NPAS3: variants seen among roughly 807,000 people sequenced by gnomAD.
The protein encoded by NPAS3 is neuronal PAS domain-containing protein 3.
Under a neutral mutation model 73.1 loss-of-function variants are expected in NPAS3, and 14 were observed. That is an observed-to-expected ratio of 0.19 (90% CI 0.13 to 0.30). NPAS3 has a LOEUF of 0.30. NPAS3 is among the 10% of genes least tolerant of loss of function. The pLI is 1.00. For missense variants in NPAS3, 1,096 were observed against 1,250.0 expected (o/e 0.88, Z 1.86); for synonymous variants, 620 against 541.5 (o/e 1.14, Z -2.01).
chr14:33,457,765 C>T (rs2050086558), intron 4 of NPAS3, among the ~76,000 whole-genome samples: 1 of 152,118 alleles, frequency 6.6e-6, no homozygotes, highest in African/African-American at 2.4e-5. Flanking sequence ...GTCTGGCTCG[C>T]TCTCTGGGCT....
intron 5 of NPAS3, among the ~76,000 whole-genome samples, chr14:33,570,494 T>G (rs1210183714): frequency 1.3e-5 from 2 of 152,190 alleles, no homozygotes; most frequent in Non-Finnish European, 2.9e-5. Flanking sequence ...TAGGAACCAA[T>G]TCCCTGAAAT....
intron 1 of NPAS3, among the ~76,000 whole-genome samples, chr14:33,026,179 A>G (rs890744460): frequency 6.6e-6 from 1 of 152,170 alleles, no homozygotes; most frequent in Non-Finnish European, 1.5e-5. Flanking sequence ...ATTCCATGCA[A>G]AAACATAGCG....
intron 3 of NPAS3, among the ~76,000 whole-genome samples, chr14:33,224,637 C>A (rs1240551103): frequency 6.6e-6 from 1 of 152,050 alleles, no homozygotes; most frequent in African/African-American, 2.4e-5. Context: ...AGAACATTTT[C>A]TTCCATAATA....
intron 4 of NPAS3, among the ~76,000 whole-genome samples, chr14:33,398,978 A>G (rs1479125282): frequency 6.6e-6 from 1 of 152,098 alleles, no homozygotes; most frequent in East Asian, 1.9e-4. Flanking sequence ...TCCCACTGTG[A>G]CAATTAGCTC....
intron 3 of NPAS3, among the ~76,000 whole-genome samples, chr14:33,230,827 G>T: frequency 6.6e-6 from 1 of 152,204 alleles, no homozygotes; most frequent in South Asian, 2.1e-4. Flanking sequence ...AGTAAATGTC[G>T]TATTAAACCA....
intron 4 of NPAS3, among the ~76,000 whole-genome samples, chr14:33,518,417 A>G (rs1262596584): frequency 6.6e-6 from 1 of 152,076 alleles, no homozygotes; most frequent in African/African-American, 2.4e-5. Context: ...GTGTGCATCA[A>G]GATAACCCTT....
At chr14:33,686,474 C>G (rs1333138692) in intron 6 of NPAS3, among the ~76,000 whole-genome samples, 1 of 152,034 alleles carries the variant, frequency 6.6e-6, no homozygotes, top group Non-Finnish European at 1.5e-5. Context: ...TTATGAGTAC[C>G]CAAGAATTCC....
chr14:33,778,660 A>G (rs2062893310), intron 9 of NPAS3, 88 bp downstream of exon 9: 1 of 837,894 alleles, frequency 1.2e-6, no homozygotes, highest in Admixed American at 1.9e-5. Flanking sequence ...TTTTCCCTTC[A>G]TCTTTCCTGT....
At chr14:32,936,946 T>TC (rs2035715035), upstream of NPAS3, among the ~76,000 whole-genome samples, 1 of 146,502 alleles carries the variant, frequency 6.8e-6, no homozygotes, top group Non-Finnish European at 1.5e-5. Flanking sequence ...TTTTTTTTTT[T>TC]CTAGCATCTC....
At chr14:33,544,155 T>C (rs1399446124) in intron 4 of NPAS3, among the ~76,000 whole-genome samples, 3 of 151,872 alleles carry the variant, frequency 2.0e-5, no homozygotes, top group Non-Finnish European at 4.4e-5. Flanking sequence ...TATTTATTTA[T>C]ATTTAGAGAC....
At chr14:32,936,677 A>G (rs1196526372), upstream of NPAS3, among the ~76,000 whole-genome samples, 1 of 152,126 alleles carries the variant, frequency 6.6e-6, no homozygotes, top group Admixed American at 6.5e-5. Flanking sequence ...GAGCTAACTT[A>G]TACCATATAA....
chr14:32,963,629 A>G (rs2037024893), intron 1 of NPAS3, among the ~76,000 whole-genome samples: 1 of 152,174 alleles, frequency 6.6e-6, no homozygotes, highest in African/African-American at 2.4e-5. Flanking sequence ...AATCCAAGAG[A>G]CAGAGGCAGT....
intron 3 of NPAS3, among the ~76,000 whole-genome samples, chr14:33,306,308 G>C (rs533451343): frequency 1.3e-5 from 2 of 152,250 alleles, no homozygotes; most frequent in Non-Finnish European, 2.9e-5. Flanking sequence ...AACTGACCTA[G>C]TGATATTAAA....
chr14:33,108,639 A>T (rs1044938007), intron 2 of NPAS3, among the ~76,000 whole-genome samples: 6 of 152,174 alleles, frequency 3.9e-5, no homozygotes, highest in African/African-American at 9.7e-5. Flanking sequence ...AAGAACAAAT[A>T]GAATGTTGTT....
chr14:33,236,735 A>G (rs559304634), intron 3 of NPAS3, among the ~76,000 whole-genome samples: 6 of 152,228 alleles, frequency 3.9e-5, no homozygotes, highest in African/African-American at 1.2e-4. Flanking sequence ...TGACATGGCA[A>G]AGTAAAATCA....
intron 1 of NPAS3, among the ~76,000 whole-genome samples, chr14:32,997,197 C>T (rs535427765): frequency 3.3e-5 from 5 of 152,294 alleles, no homozygotes; most frequent in South Asian, 2.1e-4. Context: ...TTTGGAATAG[C>T]TGTATTTACC....
chr14:33,207,784 C>A lies in NPAS3; in HGVS notation c.141-7398C>A, dbSNP rs1958024. Among the ~76,000 whole-genome samples the A allele has an allele frequency of 7.6e-3, 1,159 of 152,236 alleles. 4 individuals are homozygous for A. The highest frequency in any genetic ancestry group is 0.012 in the Non-Finnish European group (827 of 68,008). On this transcript the variant is annotated intron_variant, in intron 2 of 11. Transcript: ENST00000356141. ...CCTTTTACAGCAGCTCAGAGCAGAG[C>A]CACAAAAGCAATTGATTGGTCTTGG...
At chr14:33,400,042 T>A (rs2047385572) in intron 4 of NPAS3, among the ~76,000 whole-genome samples, 1 of 152,140 alleles carries the variant, frequency 6.6e-6, no homozygotes. Flanking sequence ...AACAATAGCT[T>A]TGGCTACTTA....
At chr14:33,510,718 A>G (rs1472909506) in intron 4 of NPAS3, among the ~76,000 whole-genome samples, 3 of 152,050 alleles carry the variant, frequency 2.0e-5, no homozygotes, top group Non-Finnish European at 4.4e-5. Flanking sequence ...TTGACTTTTT[A>G]TATAACGTGT....
Sources: allele counts gnomAD v4.1 joint callset (sites outside exome capture counted in the v4.1 genomes callset), GRCh38; gene constraint gnomAD v4.1.1; transcripts MANE v1.5; gene names NCBI Gene and HGNC (gene_info 2026-07-23, HGNC 2026-07-21).